Variants in ARHGAP29 observed in about 807,000 individuals in gnomAD.
ARHGAP29 encodes Rho GTPase activating protein 29, also known as rho GTPase-activating protein 29.
A neutral mutation model predicts 122.6 loss-of-function variants in ARHGAP29; 43 were observed. The ratio of observed to expected loss-of-function variants is 0.35; its 90% CI spans 0.27 to 0.45. ARHGAP29 has a LOEUF of 0.45. Among genes scored for constraint, ARHGAP29 ranks in the 20% least tolerant of loss-of-function variants. The pLI, the probability that ARHGAP29 is intolerant of heterozygous loss-of-function variation, is 1.00. For missense variants in ARHGAP29, 1,303 were observed against 1,477.2 expected, an observed-to-expected ratio of 0.88 and a Z score of 1.93; for synonymous variants, 506 against 497.1, an observed-to-expected ratio of 1.02 and a Z score of -0.24.
At chr1:94,220,729 TC>T (rs1652243892) in intron 2 of ARHGAP29, among the ~76,000 whole-genome samples, 3 of 149,438 alleles carry the variant, frequency 2.0e-5, no homozygotes, top group Non-Finnish European at 4.4e-5. Context: ...AGTTTTACTA[TC>T]ATATATTTTT....
the ARHGAP29 span, among the ~76,000 whole-genome samples, chr1:94,293,766 T>A: frequency 1.3e-5 from 2 of 152,200 alleles, no homozygotes; most frequent in East Asian, 3.9e-4. Context: ...TCCATGGGTG[T>A]GCCACCCTCC....
chr1:94,214,018 C>A (rs563774096), intron 3 of ARHGAP29, among the ~76,000 whole-genome samples: 1 of 152,286 alleles, frequency 6.6e-6, no homozygotes, highest in Non-Finnish European at 1.5e-5. Context: ...TCTCTCTATG[C>A]CTCAGTTTCC....
At position 94,178,038 on chromosome 1, in the gene ARHGAP29, A is replaced by G. The variant is rs1200725961; in HGVS notation, c.2610T>C (p.Asn870=). ...ITISSLAEYS[N]QARLVEFLIT... ...TGAGAAACTCTACCAAGCGTGCTTG[A>G]TTTGAATACTCTGCAAGGGAGGAGA... The change falls in exon 21 of 23, where the codon AAT becomes AAC. Residue 870 remains asparagine (N), a synonymous_variant. Transcript: ENST00000260526. 2.5e-6 allele frequency: 4 copies of G among 1,614,196 alleles called. No individual in the cohort carries two copies. In the South Asian group the frequency reaches 4.4e-5, roughly 18 times the overall value.
At chr1:94,251,972 G>C (rs969692668) in intron 1 of ARHGAP29, among the ~76,000 whole-genome samples, 1 of 152,142 alleles carries the variant, frequency 6.6e-6, no homozygotes, top group Non-Finnish European at 1.5e-5. Context: ...TGCCTGCTTT[G>C]TTCACCACTG....
chr1:94,300,539 A>T, the ARHGAP29 span, among the ~76,000 whole-genome samples: 18 of 151,440 alleles, frequency 1.2e-4, no homozygotes, highest in East Asian at 3.5e-3. Flanking sequence ...TAATCATCCT[A>T]CTCTCCTCCG....
intron 1 of ARHGAP29, among the ~76,000 whole-genome samples, chr1:94,244,545 C>T (rs2100682311): frequency 6.6e-6 from 1 of 152,040 alleles, no homozygotes; most frequent in Middle Eastern, 3.4e-3. Flanking sequence ...AATATTGTTA[C>T]TGAGGGTCTT....
chr1:94,229,108 CAG>C (rs1652784309), intron 2 of ARHGAP29, among the ~76,000 whole-genome samples: 1 of 151,720 alleles, frequency 6.6e-6, no homozygotes. Context: ...AAAAGAAAAA[CAG>C]TGAATGAAAT....
intron 19 of ARHGAP29, among the ~76,000 whole-genome samples, chr1:94,181,891 G>A (rs1251664694): frequency 6.6e-6 from 1 of 152,034 alleles, no homozygotes; most frequent in East Asian, 1.9e-4. Flanking sequence ...AGATTTCAAA[G>A]ACTCAGTAAC....
intron 2 of ARHGAP29, among the ~76,000 whole-genome samples, chr1:94,221,565 A>AT (rs34163648): frequency 0.87 from 130,077 of 149,994 alleles, 56,826 homozygotes; most frequent in Non-Finnish European, 0.92. Flanking sequence ...ATATGTATAT[A>AT]TTTATACACA....
Position 94,184,010 on chromosome 1 carries a change from C to T in ARHGAP29, c.2247+141G>A, listed in dbSNP as rs1040760559. ...TGTACATGTATTTCATATACTCTGA[C>T]CTATGCACTAATCATTAGCAAGATA... On this transcript the variant is annotated intron_variant, in intron 19 of 22. Transcript: ENST00000260526. The T allele has an allele frequency of 1.4e-5, 12 of 843,918 alleles. No homozygotes were observed. The African/African-American group carries it at 2.1e-4, about 15-fold the overall frequency. The allele number at this position is 843,918 out of a possible 1,614,324, so 52.3% of individuals were successfully genotyped here. A position where few individuals can be genotyped will look rare whatever the true frequency, so the allele number is the denominator to read the frequency against.
At chr1:94,254,093 A>G (rs146018430) in intron 1 of ARHGAP29, among the ~76,000 whole-genome samples, 2 of 152,230 alleles carry the variant, frequency 1.3e-5, no homozygotes, top group Non-Finnish European at 2.9e-5. Context: ...AATTAGAAGA[A>G]GGCAAATACA....
At chr1:94,248,579 C>A (rs1377980565) in intron 1 of ARHGAP29, among the ~76,000 whole-genome samples, 1 of 152,222 alleles carries the variant, frequency 6.6e-6, no homozygotes, top group Non-Finnish European at 1.5e-5. Context: ...TTGGAAAAAT[C>A]ACTTAATGGC....
chr1:94,291,398 T>C, the ARHGAP29 span, among the ~76,000 whole-genome samples: 2 of 152,250 alleles, frequency 1.3e-5, no homozygotes, highest in Non-Finnish European at 2.9e-5. Context: ...GTCTTTACTC[T>C]TTATCCAATT....
At chr1:94,209,973 AC>A (rs1227709051) in intron 3 of ARHGAP29, among the ~76,000 whole-genome samples, 1 of 152,212 alleles carries the variant, frequency 6.6e-6, no homozygotes, top group Non-Finnish European at 1.5e-5. Flanking sequence ...TAATTGACAT[AC>A]AGCTAGCTGC....
At chr1:94,286,125 T>C in the ARHGAP29 span, among the ~76,000 whole-genome samples, 1 of 152,138 alleles carries the variant, frequency 6.6e-6, no homozygotes, top group East Asian at 1.9e-4. Flanking sequence ...GCCAGCATGG[T>C]CAGGGTCTGT....
chr1:94,190,862 C>T (rs1334757900), intron 12 of ARHGAP29: 1 of 152,082 alleles, frequency 6.6e-6, no homozygotes, highest in Non-Finnish European at 1.5e-5. Context: ...CTGAAAAATG[C>T]TATAAATACT....
rs942186496 is a variant in ARHGAP29 at position 94,179,272 on chromosome 1, C to A, written c.2480+453G>T. ...AATGTTCATTTTAAAAGTAACACTG[C>A]AACAATATGAACACACTTAACACTT... On this transcript the variant is annotated intron_variant, in intron 20 of 22. Transcript: ENST00000260526. Among the ~76,000 whole-genome samples, 4 of 152,108 alleles carry A rather than the reference C, an allele frequency of 2.6e-5. No individual in the cohort carries two copies. The South Asian group carries it at 8.3e-4, about 32-fold the overall frequency.
the ARHGAP29 span, among the ~76,000 whole-genome samples, chr1:94,294,606 T>C: frequency 8.5e-4 from 130 of 152,304 alleles, no homozygotes; most frequent in Non-Finnish European, 1.7e-3. Flanking sequence ...TATATTACTT[T>C]AGAACTTTGG....
the ARHGAP29 span, among the ~76,000 whole-genome samples, chr1:94,304,323 A>G: frequency 2.0e-5 from 3 of 152,172 alleles, no homozygotes; most frequent in East Asian, 1.9e-4. Flanking sequence ...ATTGGTTTGT[A>G]TAAATGGAAT....
Sources: gnomAD v4.1 joint callset for allele counts (sites outside exome capture counted in the v4.1 genomes callset) on GRCh38, gnomAD v4.1.1 for gene constraint, MANE v1.5 for transcripts, NCBI Gene and HGNC (gene_info 2026-07-23, HGNC 2026-07-21) for gene names.